FER1L6: variants seen among roughly 807,000 people sequenced by gnomAD.
FER1L6 encodes fer-1-like protein 6.
FER1L6 carries 177 observed loss-of-function variants against 219.2 expected under a neutral mutation model. The observed-to-expected ratio is 0.81, with a 90% CI of 0.71 to 0.91. The LOEUF (loss-of-function observed/expected upper bound fraction) is 0.91. Ranked by LOEUF, FER1L6 falls within the 40% of genes least tolerant of loss-of-function variation. The pLI is 0.00. For synonymous variants in FER1L6, 768 were observed against 824.3 expected, an observed-to-expected ratio of 0.93 and a Z score of 1.17; for missense variants, 2,153 against 2,259.9, an observed-to-expected ratio of 0.95 and a Z score of 0.96.
intron 26 of FER1L6, among the ~76,000 whole-genome samples, chr8:124,064,911 T>C (rs906845395): frequency 2.0e-5 from 3 of 152,228 alleles, no homozygotes; most frequent in Non-Finnish European, 4.4e-5. Flanking sequence ...TACAAGATCA[T>C]ATGGGACCAA....
intron 1 of FER1L6, among the ~76,000 whole-genome samples, chr8:123,896,572 C>T (rs929173641): frequency 5.3e-5 from 8 of 152,114 alleles, no homozygotes; most frequent in African/African-American, 1.9e-4. Flanking sequence ...TGAAAGTTCG[C>T]GAGTCTCTCA....
At chr8:123,977,292 T>C (rs1355855165) in intron 9 of FER1L6, 125 bp from the exon 10 acceptor site, 2 of 893,650 alleles carry the variant, frequency 2.2e-6, no homozygotes, top group Non-Finnish European at 3.5e-6. Context: ...TAACTGATTT[T>C]CGTGGGTGTC....
At chr8:124,113,354 T>C (rs1009933700) in intron 39 of FER1L6, among the ~76,000 whole-genome samples, 6 of 152,208 alleles carry the variant, frequency 3.9e-5, no homozygotes, top group Non-Finnish European at 8.8e-5. Context: ...TTTGTATGTA[T>C]ATATGCCTAT....
In FER1L6 at chr8:123,990,190, C is replaced by T. The variant is rs191515351; in HGVS notation, c.1519+4014C>T. 7.9e-5 allele frequency among the ~76,000 whole-genome samples: 12 copies of T among 152,264 alleles called. No homozygotes were observed. The South Asian group carries it at 8.3e-4, about 11-fold the overall frequency. On this transcript the variant is annotated intron_variant, in intron 12 of 40. Transcript: ENST00000522917. The stretch of plus-strand genomic sequence containing the variant: ...GGCTGAGGCAGGAGAATGGTGTGAA[C>T]CCAGGAGGCGGATCTTGCAGTAAGC...
intron 1 of FER1L6, among the ~76,000 whole-genome samples, chr8:123,918,308 C>CAAA (rs34073010): frequency 1.4e-4 from 17 of 123,784 alleles, no homozygotes; most frequent in African/African-American, 4.5e-4. Context: ...CAACCTGTCT[C>CAAA]AAAAAAAAAA....
intron 22 of FER1L6, among the ~76,000 whole-genome samples, chr8:124,053,997 C>A (rs748004393): frequency 2.6e-5 from 4 of 152,234 alleles, no homozygotes; most frequent in Non-Finnish European, 5.9e-5. Flanking sequence ...TTCTCCCAGA[C>A]ACTCCAGCTT....
At chr8:123,923,883 T>C (rs1201454240) in intron 1 of FER1L6, among the ~76,000 whole-genome samples, 2 of 137,078 alleles carry the variant, frequency 1.5e-5, no homozygotes, top group Non-Finnish European at 3.0e-5. Context: ...GCAGCTGCAG[T>C]GAGCCGAGAT....
At chr8:124,089,532 C>T (rs1821933070) in intron 33 of FER1L6, among the ~76,000 whole-genome samples, 1 of 152,194 alleles carries the variant, frequency 6.6e-6, no homozygotes, top group African/African-American at 2.4e-5. Flanking sequence ...CTGTCTCCCT[C>T]CCCCAAACTC....
chr8:124,081,085 A>T (rs1001875484), intron 32 of FER1L6, among the ~76,000 whole-genome samples: 1 of 152,126 alleles, frequency 6.6e-6, no homozygotes, highest in Non-Finnish European at 1.5e-5. Context: ...GGATCTGACC[A>T]TGAGGGCAGC....
intron 1 of FER1L6, chr8:123,925,706 C>T (rs779427221): frequency 6.6e-6 from 1 of 152,210 alleles, no homozygotes; most frequent in Non-Finnish European, 1.5e-5. Flanking sequence ...TGCCCAGACC[C>T]CAGAGTGTGC....
intron 1 of FER1L6, among the ~76,000 whole-genome samples, chr8:123,911,679 TC>T (rs1050473588): frequency 2.6e-5 from 4 of 152,132 alleles, no homozygotes; most frequent in Non-Finnish European, 5.9e-5. Context: ...TCTAGGCCCT[TC>T]TTTTTAGGGG....
At chr8:123,974,659 C>CAGAAAAAAAAAAAA (rs1815975245) in intron 7 of FER1L6, among the ~76,000 whole-genome samples, 1 of 47,802 alleles carries the variant, frequency 2.1e-5, no homozygotes, top group Non-Finnish European at 4.5e-5. Flanking sequence ...GACTCTGTCT[C>CAGAAAAAAAAAAAA]AAAAAAAAAA....
intron 31 of FER1L6, among the ~76,000 whole-genome samples, chr8:124,074,427 G>A (rs1385905645): frequency 6.6e-6 from 1 of 152,142 alleles, no homozygotes; most frequent in Non-Finnish European, 1.5e-5. Context: ...GGAGGCCAAG[G>A]TGGGCAGATT....
In FER1L6 at chr8:123,975,271, C is replaced by T. The variant is rs1360277220; in HGVS notation, c.648C>T (p.Ser216=). 1 of 1,612,382 alleles carries T rather than the reference C, an allele frequency of 6.2e-7. No individual in the cohort carries two copies. The highest frequency in any genetic ancestry group is 1.7e-5 in the Admixed American group (1 of 59,918). The change falls in exon 8 of 41, where the codon AGC becomes AGT. Residue 216 remains serine (S), a synonymous_variant. Coordinates refer to ENST00000522917, the MANE Select transcript of FER1L6 (RefSeq NM_001039112.2). ...VMGKGDVLKT[S]PKTSDTEEPI... ...GAAAAGGTGATGTCTTGAAGACCAG[C>T]CCTAAAACTTCTGACACCGAGGAGC... is the stretch of plus-strand genomic sequence containing the variant.
At chr8:124,075,331 A>G (rs1821233206) in intron 31 of FER1L6, among the ~76,000 whole-genome samples, 2 of 152,120 alleles carry the variant, frequency 1.3e-5, no homozygotes, top group Non-Finnish European at 1.5e-5. Context: ...GTTAAAAACT[A>G]AAACAAACAC....
In FER1L6 at chr8:123,855,096, G is replaced by A. The variant is rs146685790; in HGVS notation, c.-8+2911G>A. ...CAATGAATCTGCATTTTGTCCATAC[G>A]GATTTACCTATTTTGGAGATTTCAT... On this transcript the variant is annotated intron_variant, in intron 1 of 40. Transcript: ENST00000522917. Among the ~76,000 whole-genome samples, 1,285 of 152,158 alleles carry A rather than the reference G, an allele frequency of 8.4e-3. 6 individuals carry two copies. The highest frequency in any genetic ancestry group is 0.014 in the Middle Eastern group (4 of 294).
intron 1 of FER1L6, among the ~76,000 whole-genome samples, chr8:123,934,456 C>T (rs1252464097): frequency 2.6e-5 from 4 of 152,072 alleles, no homozygotes; most frequent in Non-Finnish European, 5.9e-5. Context: ...TCAGCATTGA[C>T]ATTTTAGAGA....
At chr8:124,067,693 G>T in intron 27 of FER1L6, 74 bp from the exon 28 acceptor site, 9 of 1,283,078 alleles carry the variant, frequency 7.0e-6, no homozygotes, top group Non-Finnish European at 1.0e-5. Context: ...AATGCAGAGG[G>T]CTGAGATAAT....
chr8:123,955,682 A>G (rs1297317097), intron 1 of FER1L6, among the ~76,000 whole-genome samples: 1 of 152,234 alleles, frequency 6.6e-6, no homozygotes, highest in East Asian at 1.9e-4. Context: ...TATGCCTAGC[A>G]GAGTGCCTGG....
Sources: gnomAD v4.1 joint callset for allele counts (sites outside exome capture counted in the v4.1 genomes callset) on GRCh38, gnomAD v4.1.1 for gene constraint, MANE v1.5 for transcripts, NCBI Gene and HGNC (gene_info 2026-07-23, HGNC 2026-07-21) for gene names.